CHKA: variants seen among roughly 807,000 people sequenced by gnomAD.
CHKA encodes CHETK-alpha.
CHKA carries 34 observed loss-of-function variants against 60.1 expected under a neutral mutation model. The observed-to-expected ratio is 0.57, with a 90% CI of 0.43 to 0.75. The LOEUF (loss-of-function observed/expected upper bound fraction) is 0.75, where lower values mean the gene tolerates loss of function less well. CHKA is among the 30% of genes least tolerant of loss of function. CHKA has a pLI of 0.00. For synonymous variants in CHKA, 217 were observed against 223.1 expected, an observed-to-expected ratio of 0.97 and a Z score of 0.24; for missense variants, 563 against 561.3, an observed-to-expected ratio of 1.00 and a Z score of -0.03.
chr11:68,082,744 C>T (rs1857024886), intron 2 of CHKA, among the ~76,000 whole-genome samples: 1 of 152,164 alleles, frequency 6.6e-6, no homozygotes, highest in African/African-American at 2.4e-5. Flanking sequence ...TTGCAAAAGG[C>T]TCTTAACGTT....
Position 68,102,099 on chromosome 11 carries a change from C to CA in CHKA, c.351-4970dup, listed in dbSNP as rs199998491. On this transcript the variant is annotated intron_variant, in intron 1 of 11. Transcript: ENST00000265689. ...TGGGTGACAGAGCAAGACTCTGTCT[C>CA]AAAAAAAAAAAAAGAAAAAAAAAAG... 7.2e-3 allele frequency among the ~76,000 whole-genome samples: 677 copies of CA among 93,918 alleles called. 2 individuals are homozygous for CA. The highest frequency in any genetic ancestry group is 0.021 in the African/African-American group (460 of 22,332). 61.6% of individuals were successfully genotyped at this position (93,918 alleles called of 152,430 possible).
At chr11:68,118,599 A>G (rs1188425215) in intron 1 of CHKA, among the ~76,000 whole-genome samples, 1 of 152,212 alleles carries the variant, frequency 6.6e-6, no homozygotes, top group Admixed American at 6.5e-5. Context: ...GTCTTTTTTA[A>G]AAGCTAGACA....
chr11:68,086,710 G>A (rs1857189198), intron 2 of CHKA, among the ~76,000 whole-genome samples: 1 of 152,164 alleles, frequency 6.6e-6, no homozygotes, highest in Non-Finnish European at 1.5e-5. Context: ...TCATTTGGCT[G>A]GGCGTGGTGG....
chr11:68,101,062 C>T (rs1414420465), intron 1 of CHKA, among the ~76,000 whole-genome samples: 1 of 150,996 alleles, frequency 6.6e-6, no homozygotes, highest in Non-Finnish European at 1.5e-5. Flanking sequence ...ATTCTCCTGC[C>T]TCAGCCTCCC....
At chr11:68,060,032 C>T (rs867892818) in intron 11 of CHKA, among the ~76,000 whole-genome samples, 44 of 134,210 alleles carry the variant, frequency 3.3e-4, no homozygotes, top group Non-Finnish European at 4.0e-4. Context: ...GAGTTTCACT[C>T]TTTTTTTTTT....
chr11:68,112,320 A>C (rs1001774131), intron 1 of CHKA, among the ~76,000 whole-genome samples: 1 of 152,000 alleles, frequency 6.6e-6, no homozygotes. Context: ...GCAGTGCCGC[A>C]ATCCAGGCTC....
Position 68,070,503 on chromosome 11 carries a change from C to T in CHKA, c.765-210G>A, listed in dbSNP as rs544018740. ...GGTGACTTTCTTCTGTCCCTTCACC[C>T]GTTCAATAGCATTTTTGCATAAGCC... On this transcript the variant is annotated intron_variant, in intron 5 of 11. Transcript: ENST00000265689. Among the ~76,000 whole-genome samples the T allele has an allele frequency of 9.2e-5, 14 of 152,240 alleles. No homozygotes were observed. In the South Asian group the frequency reaches 2.5e-3, roughly 27 times the overall value.
chr11:68,061,401 C>T lies in CHKA; in HGVS notation c.1314+552G>A, dbSNP rs111346057. ...GATTACAGGCGTGAGCCACCGTACC[C>T]GGCTGACAATTCTTAAGGTTAAAAT... On this transcript the variant is annotated intron_variant, in intron 11 of 11. Coordinates refer to ENST00000265689, the MANE Select transcript of CHKA (RefSeq NM_001277.3). The T allele has an allele frequency of 1.8e-3, 389 of 212,286 alleles. 2 individuals are homozygous for T. Among genetic ancestry groups the T allele is most frequent in the African/African-American group, 8.0e-3 (351 of 43,746 alleles). 13.2% of individuals were successfully genotyped at this position (212,286 alleles called of 1,614,324 possible). A position where few individuals can be genotyped will look rare whatever the true frequency, so the allele number is the denominator to read the frequency against.
chr11:68,074,435 G>A (rs897818091), intron 4 of CHKA, among the ~76,000 whole-genome samples: 2 of 152,142 alleles, frequency 1.3e-5, no homozygotes, highest in Admixed American at 6.5e-5. Context: ...AGAGGAACAC[G>A]GTGAAAAGGG....
rs1261535894 is a variant in CHKA, at chr11:68,053,257, C to G, written c.*731G>C. The G allele has an allele frequency of 6.6e-6, 1 of 152,274 alleles. No individual in the cohort carries two copies. The highest frequency in any genetic ancestry group is 1.5e-5 in the Non-Finnish European group (1 of 68,120). 9.4% of individuals were successfully genotyped at this position (152,274 alleles called of 1,614,324 possible). A position where few individuals can be genotyped will look rare whatever the true frequency, so the allele number is the denominator to read the frequency against. On this transcript the variant is annotated 3_prime_UTR_variant, in exon 12 of 12. Coordinates refer to ENST00000265689, the MANE Select transcript of CHKA (RefSeq NM_001277.3). ...GGAGACAGGGAGGTCCTCACACTGC[C>G]CCCGTGGCCACGCATGGCTGTCTGC...
chr11:68,088,135 A>T (rs1207762346), intron 2 of CHKA, among the ~76,000 whole-genome samples: 1 of 151,366 alleles, frequency 6.6e-6, no homozygotes, highest in African/African-American at 2.4e-5. Context: ...AAAAAAAAAA[A>T]AAATTCCTAC....
intron 2 of CHKA, 150 bp downstream of exon 2, chr11:68,096,869 A>T: frequency 1.9e-6 from 1 of 521,324 alleles, no homozygotes; most frequent in East Asian, 3.2e-5. Context: ...CAAGCTGTGC[A>T]GCCCAATTAA....
At chr11:68,111,003 A>C (rs1408731086) in intron 1 of CHKA, among the ~76,000 whole-genome samples, 3 of 151,712 alleles carry the variant, frequency 2.0e-5, no homozygotes, top group Admixed American at 2.0e-4. Context: ...ATCTCAAAAA[A>C]AAAAAAAATG....
chr11:68,064,444 C>A (rs2134512007), intron 10 of CHKA, 81 bp downstream of exon 10: 1 of 657,378 alleles, frequency 1.5e-6, no homozygotes, highest in East Asian at 3.1e-5. Flanking sequence ...TAAAATACTC[C>A]TAATTGCAAG....
chr11:68,082,941 C>T (rs1360382352), intron 2 of CHKA, among the ~76,000 whole-genome samples: 1 of 152,186 alleles, frequency 6.6e-6, no homozygotes, highest in Non-Finnish European at 1.5e-5. Context: ...TACAAAAATG[C>T]TTTCAGATCT....
At chr11:68,099,861 C>T (rs1161686219) in intron 1 of CHKA, among the ~76,000 whole-genome samples, 1 of 152,194 alleles carries the variant, frequency 6.6e-6, no homozygotes, top group African/African-American at 2.4e-5. Flanking sequence ...AGTTTACCCC[C>T]GTACTGCTAA....
chr11:68,100,600 AATAC>A (rs67305709), intron 1 of CHKA, among the ~76,000 whole-genome samples: 73,314 of 140,290 alleles, frequency 0.52, 18,327 homozygotes, highest in Middle Eastern at 0.67. Flanking sequence ...CCAATAAATA[AATAC>A]ATAAATAAAT....
chr11:68,055,668 A>G (rs542784294), intron 11 of CHKA, among the ~76,000 whole-genome samples: 1 of 152,230 alleles, frequency 6.6e-6, no homozygotes, highest in Admixed American at 6.5e-5. Flanking sequence ...ACATTTCTTT[A>G]ATGACTAATT....
At chr11:68,062,066 G>A in intron 10 of CHKA, 32 bp from the exon 11 acceptor site, 2 of 1,400,106 alleles carry the variant, frequency 1.4e-6, no homozygotes, top group Non-Finnish European at 2.0e-6. Flanking sequence ...ACATATAAGA[G>A]ACATACAGTA....
Sources: gnomAD v4.1 joint callset for allele counts (sites outside exome capture counted in the v4.1 genomes callset) on GRCh38, gnomAD v4.1.1 for gene constraint, MANE v1.5 for transcripts, NCBI Gene and HGNC (gene_info 2026-07-23, HGNC 2026-07-21) for gene names.